Variants in GRK1 observed in about 807,000 individuals in gnomAD.
GRK1 encodes rhodopsin kinase GRK1.
In GRK1, 28 loss-of-function variants were observed where a neutral mutation model predicts 41.7. The observed-to-expected ratio is 0.67, with a 90% CI of 0.50 to 0.92. The LOEUF is 0.92. GRK1 is among the 40% of genes least tolerant of loss of function. GRK1 has a pLI of 0.00. For synonymous variants in GRK1, 327 were observed against 286.7 expected, an observed-to-expected ratio of 1.14 and a Z score of -1.42; for missense variants, 703 against 671.2, an observed-to-expected ratio of 1.05 and a Z score of -0.52.
chr13:113,652,846 C>A, the GRK1 span: 2 of 1,609,680 alleles, frequency 1.2e-6, no homozygotes, highest in Non-Finnish European at 1.7e-6. Context: ...GTTGTAGTGG[C>A]GTGTGAAGGA....
At position 113,667,792 on chromosome 13, in the gene GRK1, G is replaced by C. The variant is rs542688076; in HGVS notation, c.406G>C (p.Glu136Gln). ...LDEGIVAKFK[E>Q]GPVEIQDGLF... is the part of the protein sequence containing the mutation. ...TGAGGGGATAGTGGCGAAGTTTAAGGAGGGGCCTGTGGAGATCCAGGACGG... is the reference window on the plus strand; with the variant it reads ...TGAGGGGATAGTGGCGAAGTTTAAGCAGGGGCCTGTGGAGATCCAGGACGG... The change falls in exon 1 of 7, where the codon GAG becomes CAG. Residue 136 changes from glutamate (E) to glutamine (Q), a missense_variant. By Grantham distance (29) the Glu-to-Gln change is conservative (BLOSUM62 2). Coordinates refer to ENST00000335678, the MANE Select transcript of GRK1 (RefSeq NM_002929.3). This position sits in a 1 kb window ranked among gnomAD's most constrained non-coding sequence, Gnocchi z 7.5. 189 of 1,611,194 alleles carry C rather than the reference G, an allele frequency of 1.2e-4. No homozygotes were observed. The highest frequency in any genetic ancestry group is 1.6e-4 in the Non-Finnish European group (184 of 1,178,220).
intron 4 of GRK1, among the ~76,000 whole-genome samples, chr13:113,728,645 C>T (rs946836541): frequency 9.2e-5 from 14 of 152,220 alleles, no homozygotes; most frequent in East Asian, 1.9e-4. Flanking sequence ...CACTCAGAGA[C>T]GCCCCGGCTC....
chr13:113,667,055 G>A (rs113061037), upstream of GRK1: 14 of 203,004 alleles, frequency 6.9e-5, no homozygotes, highest in Middle Eastern at 2.0e-3. This position sits in a 1 kb window ranked among gnomAD's most constrained non-coding sequence, Gnocchi z 7.5. Context: ...AAAGTGAGGC[G>A]GCCCCTTGGA....
chr13:113,667,616 A>G lies in GRK1; in HGVS notation c.230A>G (p.Gln77Arg). Residue 77 changes from glutamine to arginine, a missense_variant, in exon 1 of 7, where the codon CAA becomes CGA. Gln to Arg is a conservative substitution (Grantham distance 43, BLOSUM62 1). Transcript: ENST00000335678. This position sits in a 1 kb window ranked among gnomAD's most constrained non-coding sequence, Gnocchi z 7.5. ...IGKKLFQQFL[Q>R]SAEKHLPALE... ...AAGAAGCTCTTTCAGCAGTTCCTAC[A>G]ATCGGCAGAGAAGCACCTGCCGGCC... 1 of 1,613,558 alleles carries G rather than the reference A, an allele frequency of 6.2e-7. No individual in the cohort carries two copies. Among genetic ancestry groups the G allele is most frequent in the Non-Finnish European group, 8.5e-7 (1 of 1,179,890 alleles).
At chr13:113,668,762 A>G (rs2049837059) in intron 1 of GRK1, among the ~76,000 whole-genome samples, 1 of 152,250 alleles carries the variant, frequency 6.6e-6, no homozygotes, top group South Asian at 2.1e-4. Flanking sequence ...CTCCTGAGCC[A>G]GCCCCCTGCA....
At chr13:113,663,147 A>T (rs916928478), upstream of GRK1, among the ~76,000 whole-genome samples, 1 of 152,210 alleles carries the variant, frequency 6.6e-6, no homozygotes, top group African/African-American at 2.4e-5. Flanking sequence ...GGAGACACAT[A>T]GATCAATGGA....
the GRK1 span, chr13:113,653,380 T>C: frequency 1.2e-6 from 2 of 1,614,210 alleles, no homozygotes; most frequent in Admixed American, 1.7e-5. Flanking sequence ...ATCAGAGACG[T>C]TGTAGACAAT....
intron 5 of GRK1, among the ~76,000 whole-genome samples, chr13:113,732,304 G>C (rs2049943051): frequency 6.6e-6 from 1 of 152,192 alleles, no homozygotes; most frequent in Non-Finnish European, 1.5e-5. Context: ...GCCAGGACAG[G>C]TTTCAGAGCA....
At chr13:113,670,232 C>G (rs1359415882) in intron 2 of GRK1, among the ~76,000 whole-genome samples, 4 of 152,054 alleles carry the variant, frequency 2.6e-5, no homozygotes, top group Non-Finnish European at 5.9e-5. Flanking sequence ...AGCTGGGGGC[C>G]GTGATCTTGC....
the GRK1 span, chr13:113,654,980 CCATTTTAACG>C: frequency 6.2e-7 from 1 of 1,611,996 alleles, no homozygotes; most frequent in East Asian, 2.2e-5. Context: ...ACCACGTCAG[CCATTTTAACG>C]CACACAATTC....
Position 113,735,251 on chromosome 13 carries a change from T to G in GRK1, c.1580T>G (p.Ile527Ser). Residue 527 changes from isoleucine (I) to serine (S), a missense_variant, in exon 7 of 7, where the codon ATC (isoleucine) becomes AGC (serine). Physicochemically the swap from Ile to Ser is moderately radical, Grantham distance 142 (BLOSUM62 -2). Coordinates refer to ENST00000335678, the MANE Select transcript of GRK1 (RefSeq NM_002929.3). ...CAGGAGGAGATGATCGAGACGGGCATCTTTGGCGAGCTGAACGTGTGGCGC... is the reference window on the plus strand; with the variant it reads ...CAGGAGGAGATGATCGAGACGGGCAGCTTTGGCGAGCTGAACGTGTGGCGC... Reference protein sequence around the residue: ...PWQEEMIETGIFGELNVWRSD... With the variant: ...PWQEEMIETGSFGELNVWRSD... 1 of 1,537,006 alleles carries G rather than the reference T, an allele frequency of 6.5e-7. No homozygotes were observed.
chr13:113,732,210 C>T (rs2049942318), intron 5 of GRK1, among the ~76,000 whole-genome samples: 1 of 152,202 alleles, frequency 6.6e-6, no homozygotes, highest in Admixed American at 6.5e-5. Context: ...CGGCTCTTCC[C>T]TGGCCACCCA....
At chr13:113,653,748 T>A in the GRK1 span, among the ~76,000 whole-genome samples, 4 of 152,234 alleles carry the variant, frequency 2.6e-5, no homozygotes, top group South Asian at 8.3e-4. Context: ...GCACCTGGGT[T>A]TCTATGTAAA....
chr13:113,662,068 C>T, the GRK1 span, among the ~76,000 whole-genome samples: 1 of 152,090 alleles, frequency 6.6e-6, no homozygotes, highest in African/African-American at 2.4e-5. Flanking sequence ...ATGCAAAAAC[C>T]ATAAATAAAA....
chr13:113,651,786 C>T, the GRK1 span: 149 of 1,577,980 alleles, frequency 9.4e-5, no homozygotes, highest in Admixed American at 2.8e-4. Flanking sequence ...GTGAGGTGCA[C>T]GGCACCCACC....
chr13:113,662,552 A>G (rs974781364), upstream of GRK1, among the ~76,000 whole-genome samples: 2 of 152,250 alleles, frequency 1.3e-5, no homozygotes, highest in Non-Finnish European at 2.9e-5. Context: ...AGAAAATCTC[A>G]AAGAATCCAT....
chr13:113,729,708 C>T (rs1343810415), intron 4 of GRK1, among the ~76,000 whole-genome samples: 2 of 152,184 alleles, frequency 1.3e-5, no homozygotes, highest in Non-Finnish European at 2.9e-5. Flanking sequence ...TGTCCCTCCG[C>T]CCTCTGTCCT....
rs1360173510 is a variant in GRK1 at position 113,735,226 on chromosome 13, CAGG to C, written c.1561_1563del (p.Glu521del). 1.5e-5 allele frequency: 23 copies of C among 1,537,186 alleles called. No homozygotes were observed. The highest frequency in any genetic ancestry group is 2.0e-5 in the Non-Finnish European group (23 of 1,146,904). ...CACTGGCAACTGCCCCATCCCCTGGCAGGAGGAGATGATCGAGACGGGCATCTT... is the reference window on the plus strand; with the variant it reads ...CACTGGCAACTGCCCCATCCCCTGGCAGGAGATGATCGAGACGGGCATCTT... On this transcript the variant is annotated inframe_deletion, in exon 7 of 7. Transcript: ENST00000335678.
chr13:113,733,487 G>A lies in GRK1; in HGVS notation c.1396+402G>A, dbSNP rs543203327. Among the ~76,000 whole-genome samples, 408 of 151,976 alleles carry A rather than the reference G, an allele frequency of 2.7e-3. 2 individuals carry two copies. The highest frequency in any genetic ancestry group is 9.2e-3 in the African/African-American group (381 of 41,298). On this transcript the variant is annotated intron_variant, in intron 6 of 6. Coordinates refer to ENST00000335678, the MANE Select transcript of GRK1 (RefSeq NM_002929.3). ...AGTGGATGCGGAAGATACTATGTGC[G>A]CGCGTGTGTGTATGTGTGTGCACGT...
Sources: gnomAD v4.1 joint callset for allele counts (sites outside exome capture counted in the v4.1 genomes callset) on GRCh38, gnomAD v4.1.1 for gene constraint, Gnocchi (gnomAD v3.1) non-coding constraint, MANE v1.5 for transcripts, NCBI Gene and HGNC (gene_info 2026-07-23, HGNC 2026-07-21) for gene names.